Variants in ATRNL1 observed in about 807,000 individuals in gnomAD.
ATRNL1 encodes attractin-like protein 1.
Under a neutral mutation model 182.7 loss-of-function variants are expected in ATRNL1, and 95 were observed. That is an observed-to-expected ratio of 0.52 (90% CI 0.44 to 0.62). ATRNL1 has a LOEUF of 0.62. Among genes scored for constraint, ATRNL1 ranks in the 20% least tolerant of loss-of-function variants. The pLI is 0.00. For synonymous variants in ATRNL1, 576 were observed against 568.3 expected, an observed-to-expected ratio of 1.01 and a Z score of -0.19; for missense variants, 1,471 against 1,679.5, an observed-to-expected ratio of 0.88 and a Z score of 2.17.
At chr10:115,533,987 C>G (rs7908290) in intron 25 of ATRNL1, among the ~76,000 whole-genome samples, 83,543 of 135,060 alleles carry the variant, frequency 0.62, 26,965 homozygotes, top group Non-Finnish European at 0.72. Context: ...TATAATTTCT[C>G]TTCTTTTACA....
chr10:115,881,489 A>G (rs1475723178), intron 28 of ATRNL1, among the ~76,000 whole-genome samples: 1 of 152,084 alleles, frequency 6.6e-6, no homozygotes, highest in Non-Finnish European at 1.5e-5. Flanking sequence ...TTTGTTTCCT[A>G]TATTCTCTCT....
At chr10:115,425,432 G>A (rs1845841168) in intron 20 of ATRNL1, among the ~76,000 whole-genome samples, 1 of 151,880 alleles carries the variant, frequency 6.6e-6, no homozygotes, top group South Asian at 2.1e-4. Flanking sequence ...AATTTATTTT[G>A]GAGGACGTTC....
intron 20 of ATRNL1, among the ~76,000 whole-genome samples, chr10:115,414,789 T>C (rs1388308040): frequency 6.6e-6 from 1 of 151,980 alleles, no homozygotes; most frequent in Non-Finnish European, 1.5e-5. Context: ...GTATTTTAGA[T>C]ACTCTTTTGA....
chr10:115,130,719 T>G (rs1460019272), intron 5 of ATRNL1, among the ~76,000 whole-genome samples: 1 of 152,132 alleles, frequency 6.6e-6, no homozygotes, highest in Non-Finnish European at 1.5e-5. Context: ...GTAATTTTAT[T>G]TTCATTTCTG....
At chr10:115,770,566 A>G (rs933110064) in intron 27 of ATRNL1, among the ~76,000 whole-genome samples, 10 of 152,304 alleles carry the variant, frequency 6.6e-5, no homozygotes, top group African/African-American at 1.9e-4. Flanking sequence ...ACAAATTATA[A>G]ATTAAATGTC....
intron 1 of ATRNL1, among the ~76,000 whole-genome samples, chr10:115,104,923 TA>T (rs1843935724): frequency 6.6e-6 from 1 of 152,094 alleles, no homozygotes; most frequent in East Asian, 1.9e-4. Context: ...TCTCTTTTTT[TA>T]ATGCCAGTAC....
At chr10:115,847,298 CA>C (rs1458180101) in intron 27 of ATRNL1, among the ~76,000 whole-genome samples, 1 of 152,006 alleles carries the variant, frequency 6.6e-6, no homozygotes, top group African/African-American at 2.4e-5. Context: ...CTAATGTAAG[CA>C]GGAGGACTGT....
At chr10:115,507,430 G>A (rs1850169102) in intron 24 of ATRNL1, among the ~76,000 whole-genome samples, 1 of 151,944 alleles carries the variant, frequency 6.6e-6, no homozygotes. Flanking sequence ...ATGCGTGATT[G>A]CAAATATTAT....
At chr10:115,535,940 A>G (rs1405025165) in intron 25 of ATRNL1, among the ~76,000 whole-genome samples, 1 of 151,622 alleles carries the variant, frequency 6.6e-6, no homozygotes, top group Admixed American at 6.6e-5. Context: ...GTGAACCACG[A>G]ATGCTGCTGT....
At chr10:115,892,553 G>A (rs1421726791) in intron 28 of ATRNL1, among the ~76,000 whole-genome samples, 1 of 152,122 alleles carries the variant, frequency 6.6e-6, no homozygotes, top group Non-Finnish European at 1.5e-5. Flanking sequence ...TACATATCTT[G>A]TAAGACTATG....
chr10:115,635,595 A>G (rs1858818910), intron 26 of ATRNL1, among the ~76,000 whole-genome samples: 1 of 152,174 alleles, frequency 6.6e-6, no homozygotes. Context: ...AGCTGAGTAT[A>G]TGGATACCCT....
At chr10:115,515,350 G>T (rs1274787346) in intron 24 of ATRNL1, among the ~76,000 whole-genome samples, 1 of 116,396 alleles carries the variant, frequency 8.6e-6, no homozygotes. Flanking sequence ...TTTCAATTTA[G>T]CTGCTATATA....
chr10:115,428,725 AT>A (rs1565033123), intron 21 of ATRNL1, among the ~76,000 whole-genome samples: 2 of 152,012 alleles, frequency 1.3e-5, no homozygotes, highest in Non-Finnish European at 1.5e-5. Context: ...ATATACTACC[AT>A]TTTTGTCCAT....
At chr10:115,256,345 T>A (rs1465392287) in intron 10 of ATRNL1, among the ~76,000 whole-genome samples, 1 of 152,208 alleles carries the variant, frequency 6.6e-6, no homozygotes, top group African/African-American at 2.4e-5. Flanking sequence ...GAGATTCAAC[T>A]TCTTCCTGGT....
intron 26 of ATRNL1, among the ~76,000 whole-genome samples, chr10:115,703,155 G>T (rs1160427413): frequency 3.3e-5 from 5 of 151,834 alleles, no homozygotes; most frequent in African/African-American, 9.7e-5. Context: ...AATAAGCAAT[G>T]AATAAATGAC....
In ATRNL1 at chr10:115,944,911, T is replaced by C. The variant is rs1953841699; in HGVS notation, c.*132T>C. ...AGCCTGAGTACAGTTTCCTTCCAAA[T>C]GGACAATGACCCAGGTGGCCAAAGA... On this transcript the variant is annotated 3_prime_UTR_variant, in exon 29 of 29. Transcript: ENST00000355044. The C allele has an allele frequency of 9.1e-7, 1 of 1,094,080 alleles. No homozygotes were observed. The highest frequency in any genetic ancestry group is 2.9e-5 in the Admixed American group (1 of 34,796). The allele number at this position is 1,094,080 out of a possible 1,614,324, so 67.8% of individuals were successfully genotyped here. A position where few individuals can be genotyped will look rare whatever the true frequency, so the allele number is the denominator to read the frequency against.
At chr10:115,869,461 A>G in intron 28 of ATRNL1, among the ~76,000 whole-genome samples, 1 of 152,280 alleles carries the variant, frequency 6.6e-6, no homozygotes, top group African/African-American at 2.4e-5. Context: ...GCATGCCTGC[A>G]TGCACAGGTG....
At chr10:115,868,853 G>A (rs1425164377) in intron 28 of ATRNL1, among the ~76,000 whole-genome samples, 2 of 46,516 alleles carry the variant, frequency 4.3e-5, no homozygotes, top group Admixed American at 2.2e-4. Flanking sequence ...TTTTTGAGAC[G>A]GAGTCTCGCT....
chr10:115,730,352 A>G (rs1379055028), intron 27 of ATRNL1, among the ~76,000 whole-genome samples: 1 of 151,558 alleles, frequency 6.6e-6, no homozygotes, highest in Non-Finnish European at 1.5e-5. Flanking sequence ...TGTTTTTCTC[A>G]CATGTACAAA....
Sources: allele counts gnomAD v4.1 joint callset (sites outside exome capture counted in the v4.1 genomes callset), GRCh38; gene constraint gnomAD v4.1.1; transcripts MANE v1.5; gene names NCBI Gene and HGNC (gene_info 2026-07-23, HGNC 2026-07-21).